Variants in PLCH1 observed in about 807,000 individuals in gnomAD.
PLCH1 encodes 1-phosphatidylinositol 4,5-bisphosphate phosphodiesterase eta-1.
In PLCH1, 60 loss-of-function variants were observed where a neutral mutation model predicts 126.7. The ratio of observed to expected loss-of-function variants is 0.47; its 90% CI spans 0.38 to 0.59. The LOEUF (loss-of-function observed/expected upper bound fraction) is 0.59. Among genes scored for constraint, PLCH1 ranks in the 20% least tolerant of loss-of-function variants. PLCH1 has a pLI of 0.00. For synonymous variants in PLCH1, 719 were observed against 734.9 expected (o/e 0.98, Z 0.35); for missense variants, 1,723 against 2,040.0 (o/e 0.84, Z 2.99).
At chr3:155,467,448 C>T (rs893941269) in intron 21 of PLCH1, among the ~76,000 whole-genome samples, 69 of 151,958 alleles carry the variant, frequency 4.5e-4, no homozygotes, top group African/African-American at 1.6e-3. Flanking sequence ...GTGGTGCGCA[C>T]CTGTAATCCC....
chr3:155,519,305 G>C (rs1720755869), intron 11 of PLCH1, among the ~76,000 whole-genome samples: 1 of 152,152 alleles, frequency 6.6e-6, no homozygotes, highest in Admixed American at 6.5e-5. Context: ...CTGGGGGCTG[G>C]GGGAGAGCAG....
rs200586305 is a variant in PLCH1 at position 155,481,125 on chromosome 3, G to A, written c.4901C>T (p.Thr1634Met). ...GSYIAGYLKN[T>M]KGGGLEGRGI... Reference sequence around the variant, plus strand: ...CCGGCCTTCAAGGCCACCCCCTTTCGTGTTCTTCAGGTAGCCTGCGATGTA... The same window carrying A: ...CCGGCCTTCAAGGCCACCCCCTTTCATGTTCTTCAGGTAGCCTGCGATGTA... Residue 1634 changes from threonine to methionine, a missense_variant, in exon 23 of 23, where the codon ACG becomes ATG. Transcript: ENST00000460012. The surrounding 1 kb of genome is among the most constrained non-coding windows in gnomAD (Gnocchi z 4.2). 58 of 1,614,100 alleles carry A rather than the reference G, an allele frequency of 3.6e-5. No individual in the cohort carries two copies. Among genetic ancestry groups the A allele is most frequent in the African/African-American group, 1.1e-4 (8 of 74,952 alleles).
At chr3:155,471,428 A>C (rs1208697924) in intron 21 of PLCH1, among the ~76,000 whole-genome samples, 16 of 150,410 alleles carry the variant, frequency 1.1e-4, no homozygotes, top group Non-Finnish European at 2.4e-4. Flanking sequence ...TTCATAAAGC[A>C]AGTCCTGAGT....
intron 2 of PLCH1, among the ~76,000 whole-genome samples, chr3:155,628,299 C>T (rs1001946314): frequency 7.4e-5 from 11 of 147,782 alleles, no homozygotes; most frequent in Non-Finnish European, 1.3e-4. Flanking sequence ...ATTACCTGAC[C>T]TTCCTGTAAC....
Position 155,525,697 on chromosome 3 carries a change from G to T in PLCH1, c.1363-1693C>A, listed in dbSNP as rs565957595. On this transcript the variant is annotated intron_variant, in intron 10 of 22. Coordinates refer to ENST00000460012, the MANE Select transcript of PLCH1 (RefSeq NM_014996.4). ...TGCCCAGCTTGAGCACCTCCCCCAG[G>T]ACCAGGCCACTCTTGACTTACCTAA... is the stretch of plus-strand genomic sequence containing the variant. 2.6e-5 allele frequency among the ~76,000 whole-genome samples: 4 copies of T among 152,182 alleles called. No homozygotes were observed. In the East Asian group the frequency reaches 7.7e-4, roughly 29 times the overall value.
intron 1 of PLCH1, among the ~76,000 whole-genome samples, chr3:155,740,510 A>G (rs997391879): frequency 4.6e-5 from 7 of 152,128 alleles, no homozygotes; most frequent in African/African-American, 7.2e-5. Context: ...ACCACCTTAT[A>G]TTTACAACTA....
intron 2 of PLCH1, among the ~76,000 whole-genome samples, chr3:155,597,443 T>C (rs1426294749): frequency 6.6e-6 from 1 of 152,242 alleles, no homozygotes; most frequent in Non-Finnish European, 1.5e-5. Context: ...TTTTTTATTA[T>C]ATCAACCAGA....
Position 155,726,918 on chromosome 3 carries a change from C to T in PLCH1, c.-41+17922G>A, listed in dbSNP as rs146098205. 1.6e-3 allele frequency among the ~76,000 whole-genome samples: 217 copies of T among 134,402 alleles called. 4 individuals are homozygous for T. In the East Asian group the frequency reaches 0.041, roughly 25 times the overall value. 88.2% of individuals were successfully genotyped at this position (134,402 alleles called of 152,430 possible). On this transcript the variant is annotated intron_variant, in intron 1 of 22. Transcript: ENST00000460012. ...TGTATTTTTAGTAGAGACACGGTTT[C>T]ACCACGTTGGCCAGGATGGTCTCGA...
At chr3:155,535,707 T>C (rs893658521) in intron 10 of PLCH1, among the ~76,000 whole-genome samples, 2 of 152,160 alleles carry the variant, frequency 1.3e-5, no homozygotes, top group Non-Finnish European at 2.9e-5. Context: ...CCGTGGTAGC[T>C]GAAGACAAAA....
rs540174068 is a variant in PLCH1, at chr3:155,481,193, G to A, written c.4833C>T (p.Pro1611=). The change falls in exon 23 of 23, where the codon CCC becomes CCT. Residue 1611 remains proline (P), a synonymous_variant. Transcript: ENST00000460012. This position sits in a 1 kb window ranked among gnomAD's most constrained non-coding sequence, Gnocchi z 4.2. ...GATTCACTGCAGGGGTGGGTGCTGA[G>A]GGTTTGTTTCTAAGAACCACTCCTG... ...NGAGVVLRNK[P]SAPTPAVNRH... 2 of 1,614,230 alleles carry A rather than the reference G, an allele frequency of 1.2e-6. No individual in the cohort carries two copies. The highest frequency in any genetic ancestry group is 2.2e-5 in the South Asian group (2 of 91,090).
At chr3:155,696,283 T>C (rs1745792295) in intron 2 of PLCH1, among the ~76,000 whole-genome samples, 1 of 152,224 alleles carries the variant, frequency 6.6e-6, no homozygotes, top group Admixed American at 6.5e-5. Flanking sequence ...GGGGATGACT[T>C]CATCCACGTG....
chr3:155,497,223 G>A (rs1717169019), intron 15 of PLCH1, 97 bp downstream of exon 15: 2 of 831,430 alleles, frequency 2.4e-6, no homozygotes, highest in East Asian at 5.0e-5. Context: ...CCAAAAATGT[G>A]TGTTGATAAT....
intron 21 of PLCH1, among the ~76,000 whole-genome samples, chr3:155,458,341 CAAAA>C (rs552915955): frequency 2.5e-5 from 2 of 81,552 alleles, no homozygotes; most frequent in African/African-American, 1.0e-4. Context: ...GACTCCATGT[CAAAA>C]AAAAAAAAAA....
intron 2 of PLCH1, among the ~76,000 whole-genome samples, chr3:155,685,527 G>A (rs1744869651): frequency 6.6e-6 from 1 of 152,144 alleles, no homozygotes; most frequent in Admixed American, 6.5e-5. Context: ...AGTGGAAGAA[G>A]AGTTAAGGGG....
chr3:155,638,636 A>G (rs1313443363), intron 2 of PLCH1, among the ~76,000 whole-genome samples: 4 of 152,064 alleles, frequency 2.6e-5, no homozygotes, highest in Admixed American at 2.6e-4. Context: ...GCTACTTCCA[A>G]CTCTAGAAAT....
At chr3:155,589,462 A>G (rs1731815637) in intron 4 of PLCH1, among the ~76,000 whole-genome samples, 1 of 152,014 alleles carries the variant, frequency 6.6e-6, no homozygotes, top group Admixed American at 6.6e-5. Flanking sequence ...ACCATTTAAA[A>G]CCCATTCTTA....
At chr3:155,624,669 G>C (rs1736999433) in intron 2 of PLCH1, among the ~76,000 whole-genome samples, 2 of 152,066 alleles carry the variant, frequency 1.3e-5, no homozygotes, top group Admixed American at 1.3e-4. Flanking sequence ...AAAATACCTA[G>C]AAATACAACT....
At chr3:155,538,188 T>A (rs1029203707) in intron 10 of PLCH1, among the ~76,000 whole-genome samples, 3 of 152,170 alleles carry the variant, frequency 2.0e-5, no homozygotes, top group African/African-American at 7.2e-5. Context: ...ACTTAAAAAT[T>A]CCTTGAACTG....
chr3:155,649,518 G>C (rs1486082453), intron 2 of PLCH1, among the ~76,000 whole-genome samples: 1 of 152,218 alleles, frequency 6.6e-6, no homozygotes, highest in African/African-American at 2.4e-5. Flanking sequence ...CATTGCAAGG[G>C]AGGGGTCTCA....
Sources: gnomAD v4.1 joint callset for allele counts (sites outside exome capture counted in the v4.1 genomes callset) on GRCh38, gnomAD v4.1.1 for gene constraint, Gnocchi (gnomAD v3.1) non-coding constraint, MANE v1.5 for transcripts, NCBI Gene and HGNC (gene_info 2026-07-23, HGNC 2026-07-21) for gene names.